Variants in ZFHX3 observed in about 807,000 individuals in gnomAD.
ZFHX3 encodes zinc finger homeobox protein 3.
Under a neutral mutation model 279.1 loss-of-function variants are expected in ZFHX3, and 42 were observed. The observed-to-expected ratio is 0.15, with a 90% CI of 0.12 to 0.19. The LOEUF is 0.19. Ranked by LOEUF, ZFHX3 falls within the 10% of genes least tolerant of loss-of-function variation. The pLI is 1.00. For missense variants in ZFHX3, 4,981 were observed against 4,754.0 expected (o/e 1.05, Z -1.40); for synonymous variants, 2,293 against 1,957.8 (o/e 1.17, Z -4.52).
intron 3 of ZFHX3, among the ~76,000 whole-genome samples, chr16:73,366,731 T>C (rs1319112885): frequency 6.6e-6 from 1 of 152,164 alleles, no homozygotes; most frequent in Non-Finnish European, 1.5e-5. Flanking sequence ...TGTGTGTGTG[T>C]GCGTGCACAC....
intron 5 of ZFHX3, among the ~76,000 whole-genome samples, chr16:73,251,556 G>C (rs1474439687): frequency 6.6e-6 from 1 of 152,104 alleles, no homozygotes; most frequent in Non-Finnish European, 1.5e-5. Flanking sequence ...GCTACACCGT[G>C]ACCCCAGATG....
Position 73,100,789 on chromosome 16 carries a change from G to T in ZFHX3, c.-896-7191C>A, listed in dbSNP as rs187038610. Among the ~76,000 whole-genome samples the T allele has an allele frequency of 2.9e-3, 436 of 152,208 alleles. 2 individuals carry two copies. Among genetic ancestry groups the T allele is most frequent in the African/African-American group, 0.01 (421 of 41,536 alleles). On this transcript the variant is annotated intron_variant, in intron 7 of 17. Coordinates refer to the ZFHX3 transcript ENST00000641206. ...ATTTTTGTATTTTTGTAGAGATGGG[G>T]TTTCACTATGTTGGCCAGGCTGGTC...
At chr16:73,848,908 C>G (rs1255951817) in intron 1 of ZFHX3, among the ~76,000 whole-genome samples, 1 of 152,210 alleles carries the variant, frequency 6.6e-6, no homozygotes, top group Non-Finnish European at 1.5e-5. Context: ...ATCCAGCATG[C>G]AACTACAAGC....
intron 1 of ZFHX3, among the ~76,000 whole-genome samples, chr16:72,988,584 T>C (rs1411667428): frequency 6.6e-6 from 1 of 152,234 alleles, no homozygotes; most frequent in Non-Finnish European, 1.5e-5. Context: ...CATTTCCAAG[T>C]GATCCTGATT....
chr16:73,679,300 T>C lies in ZFHX3; in HGVS notation c.-1547+880A>G, dbSNP rs112305251. Among the ~76,000 whole-genome samples, 16 of 152,262 alleles carry C rather than the reference T, an allele frequency of 1.1e-4. No homozygotes were observed. In the East Asian group the frequency reaches 1.9e-3, roughly 18 times the overall value. ...ATGTCGCCATTTTCAAATCAGAGCA[T>C]TGAAAAGTATATTTCTATGGCCATA... On this transcript the variant is annotated intron_variant, in intron 2 of 17. Transcript: ENST00000641206.
intron 1 of ZFHX3, among the ~76,000 whole-genome samples, chr16:72,988,460 A>G (rs1962938578): frequency 6.6e-6 from 1 of 152,200 alleles, no homozygotes; most frequent in Admixed American, 6.5e-5. Context: ...GAACCCGCCA[A>G]ACATTTCTGA....
rs770301458 is a variant in ZFHX3 at position 72,959,603 on chromosome 16, T to C, written c.543A>G (p.Gln181=). ...LNSLPGAGGK[Q]GDPSCAAPVY... is the part of the protein sequence containing the mutation. ...CGGGTGCAGCACACGAAGGGTCCCC[T>C]TGCTTGCCCCCCGCGCCAGGGAGAG... The change falls in exon 2 of 10, where the codon CAA becomes CAG. Residue 181 remains glutamine, a synonymous_variant. Coordinates refer to ENST00000268489, the MANE Select transcript of ZFHX3 (RefSeq NM_006885.4). 6.2e-6 allele frequency: 10 copies of C among 1,614,154 alleles called. No homozygotes were observed. In the South Asian group the frequency reaches 9.9e-5, roughly 16 times the overall value.
chr16:73,275,234 T>C (rs1049742055), intron 4 of ZFHX3, among the ~76,000 whole-genome samples: 1 of 152,212 alleles, frequency 6.6e-6, no homozygotes, highest in Non-Finnish European at 1.5e-5. Flanking sequence ...TTGAGTCCAG[T>C]TACATATTTA....
rs746193779 is a variant in ZFHX3 at position 72,957,795 on chromosome 16, GCTGCCGCCGCCGCCGCAGCCA to G, written c.2330_2350del (p.Val777_Ala783del). On this transcript the variant is annotated inframe_deletion, in exon 2 of 10. Coordinates refer to ENST00000268489, the MANE Select transcript of ZFHX3 (RefSeq NM_006885.4). ...GGCCCCGCAGGAGCTACTGATATTG[GCTGCCGCCGCCGCCGCAGCCA>G]CCGCCGCCGCCGCCGCCCCGGCAGT... 12 of 1,610,480 alleles carry G rather than the reference GCTGCCGCCGCCGCCGCAGCCA, an allele frequency of 7.5e-6. No homozygotes were observed. In the Middle Eastern group the frequency reaches 5.0e-4, roughly 67 times the overall value.
At chr16:73,117,387 C>T (rs550845137) in intron 7 of ZFHX3, among the ~76,000 whole-genome samples, 21 of 152,182 alleles carry the variant, frequency 1.4e-4, no homozygotes, top group Non-Finnish European at 2.5e-4. Context: ...AATTCATTCT[C>T]ATTATGGGTC....
intron 3 of ZFHX3, among the ~76,000 whole-genome samples, chr16:72,905,898 T>C (rs2039158037): frequency 6.6e-6 from 1 of 152,184 alleles, no homozygotes; most frequent in Non-Finnish European, 1.5e-5. Context: ...AATCTAACTG[T>C]TGCCAGGGAC....
At chr16:73,014,861 G>C (rs1964043640) in intron 1 of ZFHX3, among the ~76,000 whole-genome samples, 1 of 151,864 alleles carries the variant, frequency 6.6e-6, no homozygotes, top group Non-Finnish European at 1.5e-5. Flanking sequence ...TAGCCATCTG[G>C]AGAAAGGGGG....
intron 1 of ZFHX3, among the ~76,000 whole-genome samples, chr16:73,797,652 C>T (rs985446899): frequency 1.3e-5 from 2 of 152,134 alleles, no homozygotes; most frequent in Non-Finnish European, 2.9e-5. Flanking sequence ...TTTGGATCTA[C>T]ACTGGTACGG....
intron 5 of ZFHX3, among the ~76,000 whole-genome samples, chr16:73,170,742 G>A (rs1331390108): frequency 2.0e-5 from 3 of 152,102 alleles, no homozygotes; most frequent in Non-Finnish European, 4.4e-5. Context: ...AATGACCTCG[G>A]GATCTTCCTG....
chr16:73,600,417 A>G (rs1037277776), intron 2 of ZFHX3, among the ~76,000 whole-genome samples: 20 of 86,406 alleles, frequency 2.3e-4, no homozygotes, highest in Middle Eastern at 7.7e-3. Flanking sequence ...TGGTCTCTCT[A>G]CTTTTTTTTT....
intron 1 of ZFHX3, among the ~76,000 whole-genome samples, chr16:73,718,563 C>T (rs1389292043): frequency 6.6e-6 from 1 of 152,078 alleles, no homozygotes; most frequent in Admixed American, 6.5e-5. Context: ...CTACCTTACA[C>T]AGCCAGACCA....
intron 3 of ZFHX3, among the ~76,000 whole-genome samples, chr16:73,349,706 TCCCTCCCTCCTTCCCTCTCTCCCTCTC>T (rs2016196955): frequency 2.1e-5 from 1 of 47,172 alleles, no homozygotes; most frequent in African/African-American, 1.2e-4. Context: ...CTTCCCTCCC[TCCCTCCCTCCTTCCCTCTCTCCCTCTC>T]CCTTCCTTCC....
chr16:73,544,903 C>A (rs916780145), intron 2 of ZFHX3, among the ~76,000 whole-genome samples: 7 of 152,138 alleles, frequency 4.6e-5, no homozygotes, highest in African/African-American at 1.4e-4. Context: ...TAAAAAGATA[C>A]TAAAGTGCTA....
At chr16:73,043,308 A>AG (rs1010773826) in intron 1 of ZFHX3, among the ~76,000 whole-genome samples, 7 of 152,168 alleles carry the variant, frequency 4.6e-5, no homozygotes, top group African/African-American at 1.7e-4. Context: ...GGACAGGGAG[A>AG]GGGGGTCACC....
Sources: gnomAD v4.1 joint callset for allele counts (sites outside exome capture counted in the v4.1 genomes callset) on GRCh38, gnomAD v4.1.1 for gene constraint, MANE v1.5 for transcripts, NCBI Gene and HGNC (gene_info 2026-07-23, HGNC 2026-07-21) for gene names.